The following TRPM3 variants were observed in gnomAD, a reference collection of about 807,000 sequenced individuals.
TRPM3 encodes the protein transient receptor potential cation channel subfamily M member 3.
In TRPM3, 77 loss-of-function variants were observed where a neutral mutation model predicts 181.2. The ratio of observed to expected loss-of-function variants is 0.42; its 90% confidence interval spans 0.35 to 0.51. TRPM3 has a LOEUF of 0.51. TRPM3 is among the 20% of genes least tolerant of loss of function. TRPM3 has a pLI of 0.01. For synonymous variants in TRPM3, 745 were observed against 796.4 expected (o/e 0.94, Z 1.09); for missense variants, 1,759 against 2,196.7 (o/e 0.80, Z 3.98).
chr9:70,785,723 C>T (rs2083455455), intron 6 of TRPM3, among the ~76,000 whole-genome samples: 1 of 152,174 alleles, frequency 6.6e-6, no homozygotes. Context: ...ACTTCTAAAG[C>T]ATAAATACTT....
At chr9:71,013,651 AATCATATT>A (rs1475135635) in intron 1 of TRPM3, among the ~76,000 whole-genome samples, 5 of 151,678 alleles carry the variant, frequency 3.3e-5, no homozygotes, top group Non-Finnish European at 1.5e-5. Context: ...AATTTTGATA[AATCATATT>A]ATCCTAAGAA....
chr9:71,305,607 T>G (rs1324252912), intron 1 of TRPM3, among the ~76,000 whole-genome samples: 1 of 152,158 alleles, frequency 6.6e-6, no homozygotes, highest in Non-Finnish European at 1.5e-5. Context: ...TTGTTTTGCT[T>G]ATACAAAATT....
intron 1 of TRPM3, among the ~76,000 whole-genome samples, chr9:71,143,011 C>G (rs2075207462): frequency 6.7e-6 from 1 of 149,294 alleles, no homozygotes; most frequent in African/African-American, 2.5e-5. Flanking sequence ...AAAAACAGGC[C>G]TGGTGGCACA....
In TRPM3 at chr9:70,598,642, A is replaced by G; in HGVS notation, c.2825T>C (p.Leu942Pro). ...CTGCAGCCATACCTTCACTTTCTGT[A>G]GCAACTTCCCTGGCTCTGACATCAG... ...EILMSEPGKLLQKVKVWLQEY... is the reference protein window; with the variant it reads ...EILMSEPGKLPQKVKVWLQEY... Residue 942 changes from leucine to proline, a missense_variant, in exon 21 of 26, where the codon CTA (leucine) becomes CCA (proline). Physicochemically the swap from Leu to Pro is moderately conservative, Grantham distance 98. Around this residue, in one of 8 missense-constraint regions of TRPM3, gnomAD observed 100 missense variants for 123.0 expected, o/e 0.81. Coordinates refer to ENST00000677713, the MANE Select transcript of TRPM3 (RefSeq NM_001366145.2). 1 of 1,614,052 alleles carries G rather than the reference A, an allele frequency of 6.2e-7. No individual in the cohort carries two copies. The highest frequency in any genetic ancestry group is 1.1e-5 in the South Asian group (1 of 91,074).
chr9:70,840,815 T>G (rs981864950), intron 5 of TRPM3, among the ~76,000 whole-genome samples: 3 of 152,158 alleles, frequency 2.0e-5, no homozygotes, highest in Non-Finnish European at 4.4e-5. Context: ...CAGCATTCTC[T>G]GCAAATGCTT....
At chr9:70,790,035 G>A (rs2084976432) in intron 6 of TRPM3, among the ~76,000 whole-genome samples, 1 of 152,154 alleles carries the variant, frequency 6.6e-6, no homozygotes. Flanking sequence ...AACTCTCTCT[G>A]CTGATATGAA....
At chr9:70,778,711 A>T (rs865793824) in intron 7 of TRPM3, among the ~76,000 whole-genome samples, 4 of 152,188 alleles carry the variant, frequency 2.6e-5, no homozygotes, top group African/African-American at 9.6e-5. Flanking sequence ...TTATGTCTAA[A>T]TCATGCTGGA....
At chr9:70,639,572 T>C (rs1210851451) in intron 10 of TRPM3, among the ~76,000 whole-genome samples, 1 of 152,146 alleles carries the variant, frequency 6.6e-6, no homozygotes, top group African/African-American at 2.4e-5. Flanking sequence ...ATTTTTGTTA[T>C]CCTTAGGCTC....
intron 1 of TRPM3, among the ~76,000 whole-genome samples, chr9:70,966,578 C>A (rs546968546): frequency 2.0e-4 from 31 of 152,236 alleles, no homozygotes; most frequent in Admixed American, 1.7e-3. Flanking sequence ...AGAATGAGAT[C>A]ATATTCTTTG....
intron 1 of TRPM3, among the ~76,000 whole-genome samples, chr9:71,432,659 TG>T (rs1309611763): frequency 6.6e-6 from 1 of 152,208 alleles, no homozygotes; most frequent in Non-Finnish European, 1.5e-5. Flanking sequence ...TGTCACAAAA[TG>T]GCTGTCGATA....
chr9:71,275,067 A>G (rs74760745), intron 1 of TRPM3, among the ~76,000 whole-genome samples: 2 of 37,360 alleles, frequency 5.4e-5, no homozygotes, highest in Non-Finnish European at 1.2e-4. Flanking sequence ...TAAGGCAAGG[A>G]AAAAAAAATA....
intron 1 of TRPM3, among the ~76,000 whole-genome samples, chr9:71,289,392 T>C (rs12380818): frequency 0.18 from 27,408 of 151,912 alleles, 2,666 homozygotes; most frequent in African/African-American, 0.25. Context: ...CATAAATGCA[T>C]TGAACAGATG....
rs565994133 is a variant in TRPM3 at position 71,262,607 on chromosome 9, T to G, written c.183+184046A>C. Among the ~76,000 whole-genome samples, 13 of 152,334 alleles carry G rather than the reference T, an allele frequency of 8.5e-5. No individual in the cohort carries two copies. In the South Asian group the frequency reaches 2.5e-3, roughly 29 times the overall value. On this transcript the variant is annotated intron_variant, in intron 1 of 24. Coordinates refer to the TRPM3 transcript ENST00000357533. The stretch of plus-strand genomic sequence containing the variant: ...AACAAAACTCCTGCAGCTAGCTCAG[T>G]GTCTGCCCAAATGACCTCCCAGTTT...
At chr9:70,670,407 A>G (rs1279694065) in intron 9 of TRPM3, among the ~76,000 whole-genome samples, 1 of 152,234 alleles carries the variant, frequency 6.6e-6, no homozygotes, top group Non-Finnish European at 1.5e-5. Flanking sequence ...TTCTCCTGTT[A>G]GAGACAAACA....
At chr9:70,996,091 C>T (rs907952335) in intron 1 of TRPM3, among the ~76,000 whole-genome samples, 1 of 152,176 alleles carries the variant, frequency 6.6e-6, no homozygotes, top group Non-Finnish European at 1.5e-5. Context: ...GAGTTCTACA[C>T]ATTGAAGGTA....
At chr9:71,162,183 G>C (rs1311256279) in intron 1 of TRPM3, among the ~76,000 whole-genome samples, 1 of 118,366 alleles carries the variant, frequency 8.4e-6, no homozygotes, top group East Asian at 2.5e-4. Flanking sequence ...CTGGGTGACA[G>C]AGCATGACTC....
intron 1 of TRPM3, among the ~76,000 whole-genome samples, chr9:71,098,439 T>C (rs1241050677): frequency 6.6e-6 from 1 of 152,196 alleles, no homozygotes. Flanking sequence ...ACTGGTGTTT[T>C]CCGGTTTAAC....
intron 1 of TRPM3, among the ~76,000 whole-genome samples, chr9:71,199,082 AG>A (rs1338599140): frequency 6.6e-6 from 1 of 151,022 alleles, no homozygotes; most frequent in Non-Finnish European, 1.5e-5. Context: ...TTTAGCATGA[AG>A]GGTTGTTGAA....
At chr9:70,666,879 T>C (rs2061921036) in intron 9 of TRPM3, among the ~76,000 whole-genome samples, 1 of 152,218 alleles carries the variant, frequency 6.6e-6, no homozygotes, top group Admixed American at 6.5e-5. Flanking sequence ...GAAGAGTATT[T>C]CAATTTTATG....
Sources: gnomAD v4.1 joint callset for allele counts (sites outside exome capture counted in the v4.1 genomes callset) on GRCh38, gnomAD v4.1.1 for gene constraint, gnomAD v4.1.1 regional missense constraint, MANE v1.5 for transcripts, NCBI Gene and HGNC (gene_info 2026-07-23, HGNC 2026-07-21) for gene names.